Variants in PAM observed in about 807,000 individuals in gnomAD.
PAM encodes peptidylglycine alpha-amidating monooxygenase.
A neutral mutation model predicts 122.1 loss-of-function variants in PAM; 72 were observed. The observed-to-expected ratio is 0.59, with a 90% CI of 0.49 to 0.72. The LOEUF is 0.72. PAM is among the 30% of genes least tolerant of loss of function. The pLI, the probability that PAM is intolerant of heterozygous loss-of-function variation, is 0.00. For synonymous variants in PAM, 389 were observed against 404.4 expected (o/e 0.96, Z 0.46); for missense variants, 1,106 against 1,183.7 (o/e 0.93, Z 0.96).
intron 1 of PAM, among the ~76,000 whole-genome samples, chr5:102,815,332 G>C (rs968690058): frequency 6.6e-6 from 1 of 152,052 alleles, no homozygotes; most frequent in African/African-American, 2.4e-5. Context: ...TTTTGGAATC[G>C]TGTTAGGGCA....
intron 1 of PAM, among the ~76,000 whole-genome samples, chr5:102,856,081 G>C (rs895863833): frequency 6.6e-6 from 1 of 152,084 alleles, no homozygotes. Flanking sequence ...TTACTGAAGA[G>C]GAACAAAGTC....
chr5:103,001,608 C>CTTAT (rs1288640575), intron 16 of PAM, among the ~76,000 whole-genome samples: 8 of 152,038 alleles, frequency 5.3e-5, no homozygotes, highest in African/African-American at 1.9e-4. Context: ...ACTTCAGGGA[C>CTTAT]TTATTGTTGT....
intron 1 of PAM, among the ~76,000 whole-genome samples, chr5:102,836,175 T>C (rs1383378875): frequency 2.6e-5 from 4 of 152,212 alleles, no homozygotes; most frequent in African/African-American, 9.6e-5. Context: ...CATTCTCTCT[T>C]ACAAATATGA....
intron 1 of PAM, among the ~76,000 whole-genome samples, chr5:102,830,461 T>C (rs1191911238): frequency 6.6e-6 from 1 of 152,156 alleles, no homozygotes; most frequent in African/African-American, 2.4e-5. Flanking sequence ...TTATTGAGCT[T>C]TTCATAGGGT....
In PAM at chr5:103,012,211, G is replaced by A. The variant is rs1170717816; in HGVS notation, c.2331+2345G>A. Among the ~76,000 whole-genome samples, 3 of 152,106 alleles carry A rather than the reference G, an allele frequency of 2.0e-5. No homozygotes were observed. The East Asian group carries it at 5.8e-4, about 29-fold the overall frequency. On this transcript the variant is annotated intron_variant, in intron 21 of 25. Transcript: ENST00000438793. ...GCAATTTTTTTTCCTCATTCTGTGG[G>A]TTGTCTCTTCACGTGGTTGATTGTT...
intron 1 of PAM, among the ~76,000 whole-genome samples, chr5:102,765,636 G>A (rs1027269528): frequency 6.6e-6 from 1 of 152,204 alleles, no homozygotes; most frequent in African/African-American, 2.4e-5. Flanking sequence ...TTAAACCACA[G>A]AAATGTATTG....
At chr5:102,950,416 G>GGTGTGTGTGTGTGTGTGTGTGTGT (rs1554134180) in intron 11 of PAM, among the ~76,000 whole-genome samples, 33 of 146,060 alleles carry the variant, frequency 2.3e-4, no homozygotes, top group African/African-American at 7.9e-4. Context: ...TATGTGGGTG[G>GGTGTGTGTGTGTGTGTGTGTGTGT]GTGTGTGTGT....
At chr5:102,780,040 A>G (rs918999303) in intron 1 of PAM, among the ~76,000 whole-genome samples, 1 of 151,514 alleles carries the variant, frequency 6.6e-6, no homozygotes, top group Non-Finnish European at 1.5e-5. Context: ...AATAATTTAT[A>G]AGTTTTTAAT....
chr5:102,770,687 A>G (rs1755504121), intron 1 of PAM, among the ~76,000 whole-genome samples: 1 of 152,068 alleles, frequency 6.6e-6, no homozygotes, highest in East Asian at 1.9e-4. Flanking sequence ...TGTATGTTAA[A>G]TCTTCTGTGC....
Position 102,828,289 on chromosome 5 carries a change from A to T in PAM, c.-373-37534A>T, listed in dbSNP as rs1261275779. Among the ~76,000 whole-genome samples the T allele has an allele frequency of 3.3e-5, 5 of 152,172 alleles. No homozygotes were observed. In the East Asian group the frequency reaches 9.7e-4, roughly 29 times the overall value. Reference sequence around the variant, plus strand: ...TTGAGCCTAGAAGGCGGAGGTTGCAATGAGCCCAAGATCTTGCCACTGCAC... The same window carrying T: ...TTGAGCCTAGAAGGCGGAGGTTGCATTGAGCCCAAGATCTTGCCACTGCAC... On this transcript the variant is annotated intron_variant, in intron 1 of 25. Transcript: ENST00000438793.
chr5:103,017,516 C>G, intron 22 of PAM, 83 bp downstream of exon 22: 1 of 847,430 alleles, frequency 1.2e-6, no homozygotes, highest in South Asian at 1.5e-5. Flanking sequence ...ATTTGCATTT[C>G]CTTATCTTTT....
At chr5:102,796,366 A>G (rs1035241768) in intron 1 of PAM, among the ~76,000 whole-genome samples, 3 of 152,038 alleles carry the variant, frequency 2.0e-5, no homozygotes, top group African/African-American at 7.3e-5. Context: ...CAAAATGTTT[A>G]TTTATTTCCC....
chr5:102,933,892 G>A (rs1752395593), intron 7 of PAM, among the ~76,000 whole-genome samples: 1 of 152,136 alleles, frequency 6.6e-6, no homozygotes, highest in Non-Finnish European at 1.5e-5. Context: ...GCATCTGAGT[G>A]CTCCTGACTT....
Position 102,942,713 on chromosome 5 carries a change from T to A in PAM, c.527-4124T>A, listed in dbSNP as rs1020147173. Among the ~76,000 whole-genome samples the A allele has an allele frequency of 2.7e-5, 4 of 149,974 alleles. No homozygotes were observed. In the East Asian group the frequency reaches 7.9e-4, roughly 30 times the overall value. On this transcript the variant is annotated intron_variant, in intron 7 of 25. Transcript: ENST00000438793. ...TCCTCACAAGTAGCTGGGGCTACAG[T>A]CACACGCCAGCATGCCCGGCTAATT...
intron 1 of PAM, among the ~76,000 whole-genome samples, chr5:102,852,034 A>T (rs1180632678): frequency 6.6e-6 from 1 of 152,186 alleles, no homozygotes; most frequent in African/African-American, 2.4e-5. Flanking sequence ...ATTTTCCTAG[A>T]TATATACCCA....
chr5:102,941,974 G>A (rs1439185232), intron 7 of PAM, among the ~76,000 whole-genome samples: 1 of 150,336 alleles, frequency 6.7e-6, no homozygotes, highest in African/African-American at 2.4e-5. Flanking sequence ...TTTTTTATTT[G>A]CCTCTCATAC....
chr5:102,772,586 C>A (rs1756104141), intron 1 of PAM, among the ~76,000 whole-genome samples: 1 of 152,022 alleles, frequency 6.6e-6, no homozygotes, highest in South Asian at 2.1e-4. Context: ...AGGAAAATAC[C>A]CTCACTTCCA....
chr5:103,006,913 A>G lies in PAM; in HGVS notation c.1916A>G (p.Asp639Gly), dbSNP rs759631014. Residue 639 changes from aspartate to glycine, a missense_variant, in exon 19 of 26, where the codon GAT (aspartate) becomes GGT (glycine). By Grantham distance (94) the Asp-to-Gly change is moderately conservative. Coordinates refer to ENST00000438793, the MANE Select transcript of PAM (RefSeq NM_001177306.2). ...HFCQPTDVAV[D>G]PGTGAIYVSD... ...TGTCAACCCACTGATGTGGCTGTGG[A>G]TCCAGGCACTGGAGCCATTTATGTA... 73 of 1,612,904 alleles carry G rather than the reference A, an allele frequency of 4.5e-5. No homozygotes were observed. Among genetic ancestry groups the G allele is most frequent in the Non-Finnish European group, 6.2e-5 (73 of 1,178,960 alleles).
chr5:102,974,426 A>C lies in PAM; in HGVS notation c.1473A>C (p.Glu491Asp), dbSNP rs61736661. 17,960 of 1,611,724 alleles carry C rather than the reference A, an allele frequency of 0.011. 123 individuals carry two copies. The highest frequency in any genetic ancestry group is 0.014 in the Non-Finnish European group (16,723 of 1,178,298). The change falls in exon 15 of 26, where the codon GAA (glutamate) becomes GAC (aspartate). Residue 491 changes from glutamate (E) to aspartate (D), a missense_variant. By Grantham distance (45) the Glu-to-Asp change is conservative (BLOSUM62 2). Around this residue, in one of 3 missense-constraint regions of PAM, gnomAD observed 670 missense variants for 690.3 expected, o/e 0.97. Coordinates refer to ENST00000438793, the MANE Select transcript of PAM (RefSeq NM_001177306.2). Reference sequence around the variant, plus strand: ...CTGGTGAAGGCACCTGGGAACCAGAACACACAGGAGGTGCGTGTAGGGTTT... The same window carrying C: ...CTGGTGAAGGCACCTGGGAACCAGACCACACAGGAGGTGCGTGTAGGGTTT... ...PPPGEGTWEP[E>D]HTGDFHMEEA... is the part of the protein sequence containing the mutation.
Sources: gnomAD v4.1 joint callset for allele counts (sites outside exome capture counted in the v4.1 genomes callset) on GRCh38, gnomAD v4.1.1 for gene constraint, gnomAD v4.1.1 regional missense constraint, MANE v1.5 for transcripts, NCBI Gene and HGNC (gene_info 2026-07-23, HGNC 2026-07-21) for gene names.